GRIN2B: variants seen among roughly 807,000 people sequenced by gnomAD.
GRIN2B encodes glutamate receptor ionotropic, NMDA 2B.
In GRIN2B, 5 loss-of-function variants were observed where a neutral mutation model predicts 114.5. That is an observed-to-expected ratio of 0.04 (90% CI 0.02 to 0.09). The LOEUF (loss-of-function observed/expected upper bound fraction) is 0.09. Among genes scored for constraint, GRIN2B ranks in the 10% least tolerant of loss-of-function variants. GRIN2B has a pLI of 1.00. For missense variants in GRIN2B, 1,108 were observed against 1,943.5 expected, an observed-to-expected ratio of 0.57 and a Z score of 8.08; for synonymous variants, 787 against 745.1, an observed-to-expected ratio of 1.06 and a Z score of -0.92.
chr12:13,735,209 G>A (rs1461323218), intron 4 of GRIN2B, among the ~76,000 whole-genome samples: 1 of 152,102 alleles, frequency 6.6e-6, no homozygotes, highest in Admixed American at 6.6e-5. Flanking sequence ...ATAAAACATG[G>A]TTACAACTTC....
intron 3 of GRIN2B, among the ~76,000 whole-genome samples, chr12:13,763,952 G>A (rs193155562): frequency 1.3e-5 from 2 of 152,194 alleles, no homozygotes; most frequent in African/African-American, 4.8e-5. Context: ...CACTAAAAAT[G>A]GATGTTTAAG....
intron 10 of GRIN2B, among the ~76,000 whole-genome samples, chr12:13,603,462 C>A (rs375557377): frequency 2.0e-5 from 3 of 152,064 alleles, no homozygotes; most frequent in African/African-American, 7.2e-5. Flanking sequence ...AATTATTTAA[C>A]CTCACCAAGC....
At chr12:13,771,658 G>A (rs540022543) in intron 3 of GRIN2B, among the ~76,000 whole-genome samples, 2 of 152,336 alleles carry the variant, frequency 1.3e-5, no homozygotes, top group South Asian at 4.1e-4. Context: ...CACTACATAA[G>A]AAAGTGCTCA....
chr12:13,593,793 C>CTAATATCCAGAAT (rs1299662265), intron 10 of GRIN2B, among the ~76,000 whole-genome samples: 1 of 152,108 alleles, frequency 6.6e-6, no homozygotes, highest in East Asian at 1.9e-4. Context: ...TGACAAAGGC[C>CTAATATCCAGAAT]TAATATCCAG....
chr12:13,608,565 T>C lies in GRIN2B; in HGVS notation c.2010+38A>G, dbSNP rs201567713. 8.2e-5 allele frequency: 119 copies of C among 1,454,312 alleles called. No individual in the cohort carries two copies. In the African/African-American group the frequency reaches 1.5e-3, roughly 18 times the overall value. The allele number at this position is 1,454,312 out of a possible 1,614,324, so 90.1% of individuals were successfully genotyped here. A position where few individuals can be genotyped will look rare whatever the true frequency, so the allele number is the denominator to read the frequency against. On this transcript the variant is annotated intron_variant, in intron 10 of 13. Coordinates refer to ENST00000609686, the MANE Select transcript of GRIN2B (RefSeq NM_000834.5). The stretch of plus-strand genomic sequence containing the variant: ...ACTTTGAGTATGGCTGAGAACAGGA[T>C]TGAGGGAAAGACGGGAGATTTCAAA...
At chr12:13,664,342 C>T (rs753760421) in intron 5 of GRIN2B, among the ~76,000 whole-genome samples, 3 of 152,122 alleles carry the variant, frequency 2.0e-5, no homozygotes, top group Non-Finnish European at 4.4e-5. Context: ...ACACTTTGCC[C>T]TGTGGAAATG....
intron 4 of GRIN2B, among the ~76,000 whole-genome samples, chr12:13,678,940 T>C (rs770254172): frequency 6.6e-6 from 1 of 151,818 alleles, no homozygotes; most frequent in African/African-American, 2.4e-5. Flanking sequence ...GTAAAACAAT[T>C]TGGTCTCATC....
intron 4 of GRIN2B, among the ~76,000 whole-genome samples, chr12:13,749,545 A>G (rs1260780081): frequency 3.3e-5 from 5 of 152,236 alleles, no homozygotes; most frequent in Non-Finnish European, 5.9e-5. Context: ...AGGAAAAGTC[A>G]TCCTTATAAA....
At chr12:13,649,465 T>A (rs1949794854) in intron 5 of GRIN2B, among the ~76,000 whole-genome samples, 2 of 152,066 alleles carry the variant, frequency 1.3e-5, no homozygotes, top group Non-Finnish European at 2.9e-5. Flanking sequence ...CATAGTAAAA[T>A]ATGTTGGATA....
intron 2 of GRIN2B, among the ~76,000 whole-genome samples, chr12:13,916,419 T>C (rs758632742): frequency 1.3e-5 from 2 of 152,192 alleles, no homozygotes; most frequent in Admixed American, 6.5e-5. Flanking sequence ...TGTGGTTTCA[T>C]GATCTTCATT....
chr12:13,637,957 A>C (rs939290080), intron 5 of GRIN2B, among the ~76,000 whole-genome samples: 11 of 152,284 alleles, frequency 7.2e-5, no homozygotes, highest in Admixed American at 3.3e-4. Flanking sequence ...ACCTGCAAAT[A>C]AGTGTTATGT....
chr12:13,633,015 C>A (rs2136498940), intron 5 of GRIN2B, among the ~76,000 whole-genome samples: 1 of 152,198 alleles, frequency 6.6e-6, no homozygotes, highest in African/African-American at 2.4e-5. Flanking sequence ...TGTGTGGGTC[C>A]CTGCTGTCAG....
rs932593847 is a variant in GRIN2B, at chr12:13,864,520, TGTG to T, written c.411+1275_411+1277del. Among the ~76,000 whole-genome samples the T allele has an allele frequency of 1.2e-4, 19 of 152,320 alleles. 1 individual carries two copies. Among genetic ancestry groups the T allele is most frequent in the Middle Eastern group, 6.8e-3 (2 of 294 alleles). On this transcript the variant is annotated intron_variant, in intron 3 of 13. Coordinates refer to ENST00000609686, the MANE Select transcript of GRIN2B (RefSeq NM_000834.5). ...GATGAAAAATGATAAACGTAGCACT[TGTG>T]GTGAAACTAACTATTCTAAGACGTG...
chr12:13,968,254 T>C (rs564076059), intron 2 of GRIN2B, among the ~76,000 whole-genome samples: 25 of 152,376 alleles, frequency 1.6e-4, no homozygotes, highest in African/African-American at 6.0e-4. Context: ...ACATCATACA[T>C]TGAAAACTGG....
intron 2 of GRIN2B, among the ~76,000 whole-genome samples, chr12:13,961,867 A>G (rs1379643370): frequency 6.6e-6 from 1 of 152,134 alleles, no homozygotes; most frequent in Non-Finnish European, 1.5e-5. Flanking sequence ...GCTCAGGCAC[A>G]TATGAGACAA....
At position 13,844,335 on chromosome 12, in the gene GRIN2B, T is replaced by A. The variant is rs562653813; in HGVS notation, c.411+21463A>T. Among the ~76,000 whole-genome samples the A allele has an allele frequency of 5.5e-4, 84 of 152,324 alleles. 1 individual carries two copies. In the South Asian group the frequency reaches 0.017, roughly 31 times the overall value. ...GGGCCTATGAATTCCTCATTCTAGA[T>A]AGCTGCCCAACCTTTCCAATCAATG... On this transcript the variant is annotated intron_variant, in intron 3 of 13. Transcript: ENST00000609686.
Position 13,564,850 on chromosome 12 carries a change from C to T in GRIN2B, c.2599-211G>A, listed in dbSNP as rs927608904. Among the ~76,000 whole-genome samples, 1 of 151,636 alleles carries T rather than the reference C, an allele frequency of 6.6e-6. No homozygotes were observed. The highest frequency in any genetic ancestry group is 1.5e-5 in the Non-Finnish European group (1 of 67,850). On this transcript the variant is annotated intron_variant, in intron 13 of 13. Coordinates refer to ENST00000609686, the MANE Select transcript of GRIN2B (RefSeq NM_000834.5). This position sits in a 1 kb window ranked among gnomAD's most constrained non-coding sequence, Gnocchi z 4.8. ...TCATGTGGTGAGCTGAGGTCAGTGA[C>T]CTGGCCATCAGAGGGGGGGGCATGG...
At chr12:13,860,634 C>A (rs1233225073) in intron 3 of GRIN2B, among the ~76,000 whole-genome samples, 3 of 151,984 alleles carry the variant, frequency 2.0e-5, no homozygotes, top group Non-Finnish European at 2.9e-5. Flanking sequence ...CCCAAAGAAG[C>A]AATTTAGAAA....
At position 13,886,190 on chromosome 12, in the gene GRIN2B, G is replaced by C. The variant is rs17834080; in HGVS notation, c.-18-19964C>G. Among the ~76,000 whole-genome samples, 265 of 152,166 alleles carry C rather than the reference G, an allele frequency of 1.7e-3. 2 individuals carry two copies. Among genetic ancestry groups the C allele is most frequent in the African/African-American group, 6.2e-3 (257 of 41,532 alleles). On this transcript the variant is annotated intron_variant, in intron 2 of 13. Coordinates refer to ENST00000609686, the MANE Select transcript of GRIN2B (RefSeq NM_000834.5). ...GTTCACACCGTGTTGTAAAGGCAAA[G>C]ATTATTTTCAGTTTAATATTTACCG...
Sources: gnomAD v4.1 joint callset for allele counts (sites outside exome capture counted in the v4.1 genomes callset) on GRCh38, gnomAD v4.1.1 for gene constraint, Gnocchi (gnomAD v3.1) non-coding constraint, MANE v1.5 for transcripts, NCBI Gene and HGNC (gene_info 2026-07-23, HGNC 2026-07-21) for gene names.